Variants in LRP1B observed in about 807,000 individuals in gnomAD.
LRP1B encodes the protein LDL receptor related protein 1B, also known as low-density lipoprotein receptor-related protein 1B.
In LRP1B, 217 loss-of-function variants were observed where a neutral mutation model predicts 556.6. The ratio of observed to expected loss-of-function variants is 0.39; its 90% confidence interval spans 0.35 to 0.44. The LOEUF (loss-of-function observed/expected upper bound fraction) is 0.44, where lower values mean the gene tolerates loss of function less well. Among genes scored for constraint, LRP1B ranks in the 20% least tolerant of loss-of-function variants. The probability of loss-of-function intolerance (pLI) is 1.00; values close to 1 mark genes in which losing one functional copy is unlikely to be tolerated. For synonymous variants in LRP1B, 2,047 were observed against 1,865.8 expected (o/e 1.10, Z -2.50); for missense variants, 5,053 against 5,620.8 (o/e 0.90, Z 3.23).
intron 18 of LRP1B, among the ~76,000 whole-genome samples, chr2:140,971,152 G>C (rs1249402584): frequency 6.6e-6 from 1 of 152,218 alleles, no homozygotes; most frequent in Admixed American, 6.5e-5. Flanking sequence ...CAGACGTAAA[G>C]TTAAGGATCT....
In LRP1B at chr2:141,048,911, G is replaced by A. The variant is rs190478921; in HGVS notation, c.1789+75C>T. The A allele has an allele frequency of 9.8e-4, 1,113 of 1,141,090 alleles. 12 individuals carry two copies. Among genetic ancestry groups the A allele is most frequent in the South Asian group, 8.9e-3 (717 of 80,588 alleles). 70.7% of individuals were successfully genotyped at this position (1,141,090 alleles called of 1,614,324 possible). A position where few individuals can be genotyped will look rare whatever the true frequency, so the allele number is the denominator to read the frequency against. On this transcript the variant is annotated intron_variant, in intron 11 of 90. Transcript: ENST00000389484. ...CTTGAGTTCTGGTTAAAGCTAGTCT[G>A]ACACACACTGGATTTATCCTTTTAA...
At chr2:141,720,117 T>C (rs1692761258) in intron 2 of LRP1B, among the ~76,000 whole-genome samples, 1 of 152,156 alleles carries the variant, frequency 6.6e-6, no homozygotes, top group South Asian at 2.1e-4. Context: ...TATGTTGGTG[T>C]ATAAAAACAA....
intron 1 of LRP1B, among the ~76,000 whole-genome samples, chr2:141,842,365 T>C (rs555303738): frequency 3.9e-5 from 6 of 152,044 alleles, no homozygotes; most frequent in Non-Finnish European, 8.8e-5. Context: ...TCTTAGTCAG[T>C]GTTTTGCTAG....
intron 1 of LRP1B, among the ~76,000 whole-genome samples, chr2:142,092,501 A>G (rs544378540): frequency 6.6e-6 from 1 of 152,248 alleles, no homozygotes; most frequent in South Asian, 2.1e-4. Context: ...TTTAAAATTA[A>G]TAGATATGGT....
At chr2:140,506,713 T>C (rs1689431179) in intron 53 of LRP1B, 83 bp downstream of exon 53, 2 of 1,436,698 alleles carry the variant, frequency 1.4e-6, no homozygotes, top group Non-Finnish European at 1.9e-6. Flanking sequence ...GTGTTGCTTG[T>C]TGCTTTAGTT....
chr2:141,213,031 A>G (rs766671241), intron 6 of LRP1B, among the ~76,000 whole-genome samples: 3 of 152,076 alleles, frequency 2.0e-5, no homozygotes, highest in Admixed American at 6.5e-5. Flanking sequence ...CAGTGGTTCA[A>G]TCATGGCTCA....
chr2:141,348,412 G>A (rs1462620510), intron 3 of LRP1B, among the ~76,000 whole-genome samples: 2 of 151,848 alleles, frequency 1.3e-5, no homozygotes, highest in Non-Finnish European at 2.9e-5. Flanking sequence ...AGATTTCAAA[G>A]CAAATGAGTG....
At chr2:140,465,898 T>C (rs1687525689) in intron 60 of LRP1B, among the ~76,000 whole-genome samples, 1 of 152,102 alleles carries the variant, frequency 6.6e-6, no homozygotes, top group African/African-American at 2.4e-5. Flanking sequence ...TGTATTTTGC[T>C]CCCTTCCATT....
At chr2:141,723,647 A>T (rs1215197208) in intron 2 of LRP1B, among the ~76,000 whole-genome samples, 1 of 151,886 alleles carries the variant, frequency 6.6e-6, no homozygotes, top group Non-Finnish European at 1.5e-5. Context: ...TTATTATTTT[A>T]AAGATCTTTG....
chr2:140,675,474 T>C (rs1685638180), intron 41 of LRP1B, among the ~76,000 whole-genome samples: 1 of 152,230 alleles, frequency 6.6e-6, no homozygotes, highest in African/African-American at 2.4e-5. Flanking sequence ...TTGATTAAGT[T>C]ATAACATTTC....
At chr2:140,375,016 GAAGAA>G (rs1168532358) in intron 68 of LRP1B, among the ~76,000 whole-genome samples, 1 of 151,982 alleles carries the variant, frequency 6.6e-6, no homozygotes, top group East Asian at 1.9e-4. Flanking sequence ...TTTACTACTT[GAAGAA>G]AACAAGTCAG....
intron 82 of LRP1B, 109 bp downstream of exon 82, chr2:140,321,854 A>C: frequency 9.4e-7 from 1 of 1,066,770 alleles, no homozygotes; most frequent in Non-Finnish European, 1.4e-6. Context: ...CACTGCTATC[A>C]AGGTAGCTAA....
At chr2:142,051,279 G>T (rs1468862625) in intron 1 of LRP1B, among the ~76,000 whole-genome samples, 2 of 151,968 alleles carry the variant, frequency 1.3e-5, no homozygotes, top group East Asian at 3.9e-4. Flanking sequence ...TATTTGGTAA[G>T]ACTTAGTACA....
In LRP1B at chr2:140,487,656, A is replaced by C. The variant is rs1229595829; in HGVS notation, c.9204T>G (p.Ser3068Arg). The C allele has an allele frequency of 1.9e-6, 3 of 1,608,760 alleles. No individual in the cohort carries two copies. The highest frequency in any genetic ancestry group is 2.5e-6 in the Non-Finnish European group (3 of 1,176,830). Residue 3068 changes from serine to arginine, a missense_variant, in exon 58 of 91, where the codon AGT becomes AGG. By Grantham distance (110) the Ser-to-Arg change is moderately radical. This residue lies in a region of LRP1B where 3,619 missense variants were observed against 3,931.9 expected (regional missense o/e 0.92). Coordinates refer to ENST00000389484, the MANE Select transcript of LRP1B (RefSeq NM_018557.3). ...CATTTAAACACATTCTATTTATGCG[A>C]CTGCCATTGGGTCGGCTAGAATCGA... ...YWIDSSRPNGSRINRMCLNGS... is the reference protein window; with the variant it reads ...YWIDSSRPNGRRINRMCLNGS...
chr2:142,037,135 A>C (rs903225828), intron 1 of LRP1B, among the ~76,000 whole-genome samples: 5 of 151,638 alleles, frequency 3.3e-5, no homozygotes, highest in African/African-American at 1.2e-4. Context: ...AAACAAAGAC[A>C]GACAAAAACC....
At position 140,983,615 on chromosome 2, in the gene LRP1B, G is replaced by A. The variant is rs139263582; in HGVS notation, c.2771-1339C>T. ...CTTTTAAGAAAAGTGCACTTGCAGT[G>A]TTAAGATGTATATTCATTATTTGTG... On this transcript the variant is annotated intron_variant, in intron 17 of 90. Transcript: ENST00000389484. 3.3e-5 allele frequency among the ~76,000 whole-genome samples: 5 copies of A among 152,154 alleles called. No homozygotes were observed. In the East Asian group the frequency reaches 7.7e-4, roughly 24 times the overall value.
intron 8 of LRP1B, among the ~76,000 whole-genome samples, 158 bp downstream of exon 8, chr2:141,061,893 T>C (rs1447699416): frequency 1.3e-5 from 2 of 151,872 alleles, no homozygotes; most frequent in Non-Finnish European, 2.9e-5. Flanking sequence ...TATCACAATA[T>C]CACTGTGAAA....
intron 37 of LRP1B, among the ~76,000 whole-genome samples, chr2:140,704,301 T>A (rs1228732079): frequency 6.6e-6 from 1 of 152,122 alleles, no homozygotes; most frequent in Admixed American, 6.6e-5. Context: ...ATATGTATTA[T>A]TTATGTATAT....
At chr2:140,722,915 C>G (rs547097328) in intron 35 of LRP1B, among the ~76,000 whole-genome samples, 1 of 151,908 alleles carries the variant, frequency 6.6e-6, no homozygotes, top group Non-Finnish European at 1.5e-5. Context: ...TGTTGGCGGG[C>G]GCCTGTATTC....
Sources: allele counts gnomAD v4.1 joint callset (sites outside exome capture counted in the v4.1 genomes callset), GRCh38; gene constraint gnomAD v4.1.1; regional missense constraint gnomAD v4.1.1; transcripts MANE v1.5; gene names NCBI Gene and HGNC (gene_info 2026-07-23, HGNC 2026-07-21).